The following CAMTA1 variants were observed in gnomAD, a reference collection of about 807,000 sequenced individuals.
CAMTA1 encodes calmodulin binding transcription activator 1, also known as calmodulin-binding transcription activator 1.
In CAMTA1, 27 loss-of-function variants were observed where a neutral mutation model predicts 170.9. The observed-to-expected ratio is 0.16, with a 90% CI of 0.12 to 0.22. The LOEUF (loss-of-function observed/expected upper bound fraction) is 0.22, where lower values mean the gene tolerates loss of function less well. Among genes scored for constraint, CAMTA1 ranks in the 10% least tolerant of loss-of-function variants. The probability of loss-of-function intolerance (pLI) is 1.00; values close to 1 mark genes in which losing one functional copy is unlikely to be tolerated. For synonymous variants in CAMTA1, 833 were observed against 891.5 expected (o/e 0.93, Z 1.17); for missense variants, 1,619 against 2,217.2 (o/e 0.73, Z 5.42).
At chr1:6,787,237 A>G (rs1639675539) in intron 1 of CAMTA1, among the ~76,000 whole-genome samples, 1 of 152,202 alleles carries the variant, frequency 6.6e-6, no homozygotes, top group Admixed American at 6.5e-5. Flanking sequence ...CTTTCCATTC[A>G]GAAAAGGGAG....
chr1:7,351,267 A>G (rs572803378), intron 5 of CAMTA1, among the ~76,000 whole-genome samples: 20 of 152,242 alleles, frequency 1.3e-4, no homozygotes, highest in Admixed American at 3.9e-4. Context: ...GCGCAGAGCT[A>G]GTGAATTGTT....
intron 6 of CAMTA1, among the ~76,000 whole-genome samples, chr1:7,569,009 CCAT>C (rs1006578753): frequency 4.0e-5 from 6 of 151,074 alleles, no homozygotes; most frequent in African/African-American, 1.5e-4. Flanking sequence ...ATCCCTATCA[CCAT>C]CATCATATTA....
chr1:7,011,633 C>T (rs970856204), intron 3 of CAMTA1, among the ~76,000 whole-genome samples: 8 of 152,118 alleles, frequency 5.3e-5, no homozygotes, highest in African/African-American at 1.4e-4. Flanking sequence ...CAGTTCCCAG[C>T]TTCATCCCTG....
rs1378382134 is a variant in CAMTA1 at position 7,251,496 on chromosome 1, C to G, written c.438+1870C>G. Among the ~76,000 whole-genome samples the G allele has an allele frequency of 6.6e-6, 1 of 152,134 alleles. No individual in the cohort carries two copies. The highest frequency in any genetic ancestry group is 1.9e-4 in the East Asian group (1 of 5,182). ...AGCGGGAAGAGCCGGTGACACGATG[C>G]TTGCTTTGGGTTCTCAGAGAGAGGC... On this transcript the variant is annotated intron_variant, in intron 5 of 22. Coordinates refer to ENST00000303635, the MANE Select transcript of CAMTA1 (RefSeq NM_015215.4). The surrounding 1 kb of genome is among the most constrained non-coding windows in gnomAD (Gnocchi z 5.1).
chr1:7,515,438 C>T lies in CAMTA1; in HGVS notation c.510+47537C>T, dbSNP rs58479105. On this transcript the variant is annotated intron_variant, in intron 6 of 22. Coordinates refer to ENST00000303635, the MANE Select transcript of CAMTA1 (RefSeq NM_015215.4). Reference sequence around the variant, plus strand: ...GGTGAGTCATTCAACCTCTGGGTGCCCAATTTCCTCATGGGCTTATGTATG... The same window carrying T: ...GGTGAGTCATTCAACCTCTGGGTGCTCAATTTCCTCATGGGCTTATGTATG... Among the ~76,000 whole-genome samples the T allele has an allele frequency of 7.7e-3, 1,174 of 152,316 alleles. 13 individuals carry two copies. Among genetic ancestry groups the T allele is most frequent in the African/African-American group, 0.027 (1,123 of 41,578 alleles).
chr1:7,153,555 A>G (rs1646697382), intron 4 of CAMTA1, among the ~76,000 whole-genome samples: 1 of 152,114 alleles, frequency 6.6e-6, no homozygotes, highest in Non-Finnish European at 1.5e-5. Flanking sequence ...CTGAAGAAAT[A>G]ACACAAACCG....
chr1:7,389,140 C>T (rs548119904), intron 5 of CAMTA1, among the ~76,000 whole-genome samples: 9 of 152,324 alleles, frequency 5.9e-5, no homozygotes, highest in East Asian at 1.9e-4. Flanking sequence ...AGAGCGAGTC[C>T]GCTGGGTGCT....
At position 7,122,966 on chromosome 1, in the gene CAMTA1, A is replaced by C. The variant is rs541643154; in HGVS notation, c.302+31595A>C. Among the ~76,000 whole-genome samples, 10 of 152,224 alleles carry C rather than the reference A, an allele frequency of 6.6e-5. No individual in the cohort carries two copies. The East Asian group carries it at 1.7e-3, about 26-fold the overall frequency. ...GTAAAAGTGTGTCTGCCCATGTCAC[A>C]TTCCTGTCGAAGCCCTGGAGGACTC... On this transcript the variant is annotated intron_variant, in intron 4 of 22. Transcript: ENST00000303635.
chr1:7,425,407 C>T (rs1024813917), intron 5 of CAMTA1, among the ~76,000 whole-genome samples: 10 of 152,094 alleles, frequency 6.6e-5, no homozygotes, highest in African/African-American at 2.2e-4. Flanking sequence ...CCTGGCAGTC[C>T]CCTAGCCCAT....
intron 5 of CAMTA1, among the ~76,000 whole-genome samples, chr1:7,445,770 C>T (rs1307459125): frequency 6.6e-6 from 1 of 152,214 alleles, no homozygotes; most frequent in Non-Finnish European, 1.5e-5. Flanking sequence ...CCTCCTCTTC[C>T]TAAGCGATGA....
chr1:6,982,279 A>C (rs1694565968), intron 3 of CAMTA1, among the ~76,000 whole-genome samples: 1 of 152,186 alleles, frequency 6.6e-6, no homozygotes, highest in Non-Finnish European at 1.5e-5. Context: ...TCATCCCAGA[A>C]GCCTCCTAGA....
At chr1:6,949,050 G>C (rs1346374988) in intron 3 of CAMTA1, among the ~76,000 whole-genome samples, 1 of 152,178 alleles carries the variant, frequency 6.6e-6, no homozygotes, top group African/African-American at 2.4e-5. Flanking sequence ...TGAGGCAAGG[G>C]ACCTGTTCAA....
At chr1:7,569,371 A>G (rs2095096377) in intron 6 of CAMTA1, among the ~76,000 whole-genome samples, 2 of 145,032 alleles carry the variant, frequency 1.4e-5, no homozygotes, top group African/African-American at 5.2e-5. Flanking sequence ...ACCACCACCA[A>G]CCATCATCAA....
rs2094958709 is a variant in CAMTA1 at position 7,561,660 on chromosome 1, G to A, written c.511-78740G>A. 6.6e-6 allele frequency among the ~76,000 whole-genome samples: 1 copy of A among 151,936 alleles called. No homozygotes were observed. The highest frequency in any genetic ancestry group is 1.5e-5 in the Non-Finnish European group (1 of 67,966). On this transcript the variant is annotated intron_variant, in intron 6 of 22. Coordinates refer to ENST00000303635, the MANE Select transcript of CAMTA1 (RefSeq NM_015215.4). The surrounding 1 kb of genome is among the most constrained non-coding windows in gnomAD (Gnocchi z 5.3). ...TGCAGCAGTGGCACAGGATCAGCAG[G>A]CAAGGCTCCATGATGCCCGTCAGAG...
chr1:7,452,691 G>A (rs1356656064), intron 5 of CAMTA1, among the ~76,000 whole-genome samples: 1 of 152,206 alleles, frequency 6.6e-6, no homozygotes, highest in Admixed American at 6.5e-5. Context: ...TGTGGCGCAT[G>A]TCAGCTCTTG....
chr1:7,551,449 G>A (rs995311368), intron 6 of CAMTA1, among the ~76,000 whole-genome samples: 1 of 152,220 alleles, frequency 6.6e-6, no homozygotes, highest in Non-Finnish European at 1.5e-5. Flanking sequence ...CCAGACGCTT[G>A]TTCCTTCTCT....
At chr1:6,869,385 A>G (rs1335770834) in intron 3 of CAMTA1, among the ~76,000 whole-genome samples, 3 of 152,172 alleles carry the variant, frequency 2.0e-5, no homozygotes, top group Non-Finnish European at 4.4e-5. Context: ...TGTCAAGTCT[A>G]ATTCCTCTTT....
intron 5 of CAMTA1, among the ~76,000 whole-genome samples, chr1:7,288,642 T>G (rs1233160619): frequency 6.6e-6 from 1 of 152,262 alleles, no homozygotes; most frequent in African/African-American, 2.4e-5. Context: ...TGGTGAATTG[T>G]GCTATGAGCA....
At chr1:7,085,002 CT>C (rs1203185371) in intron 3 of CAMTA1, among the ~76,000 whole-genome samples, 2 of 152,130 alleles carry the variant, frequency 1.3e-5, no homozygotes, top group East Asian at 3.8e-4. Context: ...TTATATTTTA[CT>C]TTTAAGTTCT....
Sources: gnomAD v4.1 joint callset for allele counts (sites outside exome capture counted in the v4.1 genomes callset) on GRCh38, gnomAD v4.1.1 for gene constraint, Gnocchi (gnomAD v3.1) non-coding constraint, MANE v1.5 for transcripts, NCBI Gene and HGNC (gene_info 2026-07-23, HGNC 2026-07-21) for gene names.